The following UBE2L6 variants were observed in gnomAD, a reference collection of about 807,000 sequenced individuals.
The protein encoded by UBE2L6 is ubiquitin conjugating enzyme E2 L6.
A neutral mutation model predicts 13.6 loss-of-function variants in UBE2L6; 11 were observed. That is an observed-to-expected ratio of 0.81 (90% CI 0.51 to 1.34). The LOEUF is 1.34. UBE2L6 is among the 40% of genes most tolerant of loss of function. The pLI, the probability that UBE2L6 is intolerant of heterozygous loss-of-function variation, is 0.00. For synonymous variants in UBE2L6, 74 were observed against 83.2 expected (o/e 0.89, Z 0.60); for missense variants, 197 against 199.5 (o/e 0.99, Z 0.07).
At chr11:57,560,643 C>T (rs1321851997) in intron 1 of UBE2L6, 8 of 442,836 alleles carry the variant, frequency 1.8e-5, no homozygotes, top group African/African-American at 4.3e-5. Context: ...TTTTTTGAGA[C>T]AGAGTCTCGC....
At chr11:57,561,474 T>C (rs748229071) in intron 1 of UBE2L6, among the ~76,000 whole-genome samples, 1 of 152,060 alleles carries the variant, frequency 6.6e-6, no homozygotes, top group Non-Finnish European at 1.5e-5. Flanking sequence ...TGTATGGATA[T>C]ACGGTAAGGA....
intron 1 of UBE2L6, 148 bp from the exon 2 acceptor site, chr11:57,560,580 A>G: frequency 3.2e-6 from 2 of 619,646 alleles, no homozygotes; most frequent in East Asian, 2.8e-5. Flanking sequence ...TTTACTGAGC[A>G]CTTAGTATGT....
intron 1 of UBE2L6, among the ~76,000 whole-genome samples, chr11:57,563,271 C>T (rs973187938): frequency 1.3e-5 from 2 of 151,684 alleles, no homozygotes; most frequent in Non-Finnish European, 2.9e-5. Flanking sequence ...AGTCAGATCA[C>T]CTGAGGTTAG....
chr11:57,567,822 C>A, upstream of UBE2L6: 1 of 510,824 alleles, frequency 2.0e-6, no homozygotes, highest in Non-Finnish European at 3.3e-6. Context: ...CCGATCCCCG[C>A]GCGGAAGGCT....
At chr11:57,554,338 T>G (rs2234409) in intron 3 of UBE2L6, 99 bp downstream of exon 3, 632,686 of 1,422,020 alleles carry the variant, frequency 0.44, 143,499 homozygotes, top group East Asian at 0.71. Context: ...TTTTATCTCC[T>G]CTCTTTGGGG....
chr11:57,567,195 G>A (rs1287555118), intron 1 of UBE2L6: 3 of 461,242 alleles, frequency 6.5e-6, no homozygotes, highest in Non-Finnish European at 4.3e-6. Context: ...CTTCATCCTG[G>A]TCATCTGTGT....
intron 3 of UBE2L6, 70 bp from the exon 4 acceptor site, chr11:57,552,579 G>A (rs1446080606): frequency 6.4e-7 from 1 of 1,574,080 alleles, no homozygotes; most frequent in East Asian, 2.2e-5. Flanking sequence ...CGTTCCCAAT[G>A]TCCTGACACT....
chr11:57,561,565 A>G (rs962850193), intron 1 of UBE2L6, among the ~76,000 whole-genome samples: 12 of 152,162 alleles, frequency 7.9e-5, no homozygotes, highest in African/African-American at 2.9e-4. Context: ...AGGAATCCAT[A>G]AAGCAGAGAA....
chr11:57,551,714 CT>C lies in UBE2L6; in HGVS notation c.*643del, dbSNP rs1944960667. 1.3e-5 allele frequency: 2 copies of C among 152,318 alleles called. No individual in the cohort carries two copies. Among genetic ancestry groups the C allele is most frequent in the African/African-American group, 4.8e-5 (2 of 41,454 alleles). The allele number at this position is 152,318 out of a possible 1,614,324, so 9.4% of individuals were successfully genotyped here. A position where few individuals can be genotyped will look rare whatever the true frequency, so the allele number is the denominator to read the frequency against. The stretch of plus-strand genomic sequence containing the variant: ...AAGAACATGGTTTCCGTGGCTCCCC[CT>C]GGACTGAATGCTGGAGGATATATAC... On this transcript the variant is annotated 3_prime_UTR_variant, in exon 4 of 4. Coordinates refer to ENST00000287156, the MANE Select transcript of UBE2L6 (RefSeq NM_004223.5).
At chr11:57,555,355 A>T (rs1294428985) in intron 2 of UBE2L6, among the ~76,000 whole-genome samples, 1 of 152,268 alleles carries the variant, frequency 6.6e-6, no homozygotes, top group Non-Finnish European at 1.5e-5. Flanking sequence ...CCTTGAAGAC[A>T]CTATGCTACA....
chr11:57,561,380 T>C (rs141313835), intron 1 of UBE2L6, among the ~76,000 whole-genome samples: 1 of 152,306 alleles, frequency 6.6e-6, no homozygotes, highest in Non-Finnish European at 1.5e-5. Context: ...GAGCATCTTC[T>C]ACTGACATTT....
At chr11:57,558,592 CG>C (rs2135277205) in intron 2 of UBE2L6, among the ~76,000 whole-genome samples, 1 of 152,236 alleles carries the variant, frequency 6.6e-6, no homozygotes, top group East Asian at 1.9e-4. Context: ...CCTCATATGT[CG>C]TGTGCTTAAA....
intron 2 of UBE2L6, among the ~76,000 whole-genome samples, chr11:57,555,990 G>A (rs1944994030): frequency 6.6e-6 from 1 of 152,204 alleles, no homozygotes; most frequent in Admixed American, 6.5e-5. Flanking sequence ...GGGCTGGAGT[G>A]ACCTAGGGGT....
At chr11:57,555,777 C>T (rs1565158915) in intron 2 of UBE2L6, among the ~76,000 whole-genome samples, 1 of 152,096 alleles carries the variant, frequency 6.6e-6, no homozygotes, top group Admixed American at 6.5e-5. Flanking sequence ...TCTCACTGTG[C>T]CAGGGCTGGT....
chr11:57,556,867 C>T (rs928711511), intron 2 of UBE2L6, among the ~76,000 whole-genome samples: 3 of 151,920 alleles, frequency 2.0e-5, no homozygotes, highest in Non-Finnish European at 4.4e-5. Flanking sequence ...AGATGGATTG[C>T]CTGGGCTCAG....
chr11:57,567,783 C>G (rs1945105957), upstream of UBE2L6: 1 of 682,870 alleles, frequency 1.5e-6, no homozygotes, highest in Non-Finnish European at 2.2e-6. Flanking sequence ...GCCAGGAGGC[C>G]GTCGAAGGAC....
At chr11:57,557,690 A>G (rs1357038467) in intron 2 of UBE2L6, among the ~76,000 whole-genome samples, 1 of 152,002 alleles carries the variant, frequency 6.6e-6, no homozygotes, top group Non-Finnish European at 1.5e-5. Flanking sequence ...CACCATGCCC[A>G]GCGCCATGCT....
chr11:57,558,451 G>A (rs573307781), intron 2 of UBE2L6, among the ~76,000 whole-genome samples: 4 of 152,242 alleles, frequency 2.6e-5, no homozygotes, highest in African/African-American at 9.6e-5. Context: ...CCTGGAGTCC[G>A]CTGAATTCCA....
chr11:57,552,247 A>G lies in UBE2L6; in HGVS notation c.*111T>C. The G allele has an allele frequency of 6.9e-7, 1 of 1,452,628 alleles. No homozygotes were observed. Among genetic ancestry groups the G allele is most frequent in the Non-Finnish European group, 9.4e-7 (1 of 1,060,622 alleles). The allele number at this position is 1,452,628 out of a possible 1,614,324, so 90.0% of individuals were successfully genotyped here. On this transcript the variant is annotated 3_prime_UTR_variant, in exon 4 of 4. Transcript: ENST00000287156. ...CACACAAACTAATGACTAACAACCT[A>G]AGAAGGGAAAAATGAATGGGGAATG...
Sources: allele counts gnomAD v4.1 joint callset (sites outside exome capture counted in the v4.1 genomes callset), GRCh38; gene constraint gnomAD v4.1.1; transcripts MANE v1.5; gene names NCBI Gene and HGNC (gene_info 2026-07-23, HGNC 2026-07-21).